RGS7: variants seen among roughly 807,000 people sequenced by gnomAD.
RGS7 encodes regulator of G protein signaling 7.
RGS7 carries 27 observed loss-of-function variants against 81.1 expected under a neutral mutation model. The observed-to-expected ratio is 0.33, with a 90% CI of 0.25 to 0.46. The LOEUF is 0.46. RGS7 is among the 20% of genes least tolerant of loss of function. The pLI, the probability that RGS7 is intolerant of heterozygous loss-of-function variation, is 1.00. For synonymous variants in RGS7, 208 were observed against 207.7 expected, an observed-to-expected ratio of 1.00 and a Z score of -0.01; for missense variants, 396 against 607.4, an observed-to-expected ratio of 0.65 and a Z score of 3.66.
chr1:241,096,990 T>C (rs1476195968), intron 3 of RGS7, among the ~76,000 whole-genome samples: 1 of 152,050 alleles, frequency 6.6e-6, no homozygotes, highest in African/African-American at 2.4e-5. Flanking sequence ...AGTAACATTT[T>C]TATATGCGTG....
At chr1:241,027,036 TA>T (rs35885080) in intron 3 of RGS7, among the ~76,000 whole-genome samples, 3,199 of 137,452 alleles carry the variant, frequency 0.023, 72 homozygotes, top group African/African-American at 0.063. Context: ...TACCAGAAAT[TA>T]AAAAAAAAAA....
intron 6 of RGS7, among the ~76,000 whole-genome samples, chr1:240,901,474 A>T (rs1403914683): frequency 6.6e-6 from 1 of 152,194 alleles, no homozygotes; most frequent in Non-Finnish European, 1.5e-5. Flanking sequence ...TATTTACAGC[A>T]ATGCAAGAAT....
At chr1:240,882,296 C>T (rs261838) in intron 6 of RGS7, among the ~76,000 whole-genome samples, 2,915 of 152,188 alleles carry the variant, frequency 0.019, 87 homozygotes, top group African/African-American at 0.067. Flanking sequence ...GGAATAATGG[C>T]CAGGAACTAT....
chr1:241,322,507 A>C (rs2081271173), intron 2 of RGS7, among the ~76,000 whole-genome samples: 1 of 152,226 alleles, frequency 6.6e-6, no homozygotes, highest in Non-Finnish European at 1.5e-5. Context: ...TCATATAAAG[A>C]AAGAGTATTA....
chr1:241,041,437 G>A (rs979820247), intron 3 of RGS7, among the ~76,000 whole-genome samples: 2 of 152,072 alleles, frequency 1.3e-5, no homozygotes, highest in Admixed American at 6.6e-5. Context: ...TTATGGCCCT[G>A]GGCAGGAGTA....
chr1:240,775,026 T>C (rs1682767943), downstream of RGS7, among the ~76,000 whole-genome samples: 1 of 152,194 alleles, frequency 6.6e-6, no homozygotes, highest in African/African-American at 2.4e-5. Flanking sequence ...GATTTTGGTA[T>C]CTGAGGAGGT....
intron 2 of RGS7, among the ~76,000 whole-genome samples, chr1:241,165,014 G>A (rs887111583): frequency 2.0e-5 from 3 of 152,122 alleles, no homozygotes; most frequent in African/African-American, 7.2e-5. Flanking sequence ...TCCTGTGTAA[G>A]GGCTCACTCC....
chr1:241,182,825 T>TTTTGTTTGTTTGTTTG (rs71172686), intron 2 of RGS7, among the ~76,000 whole-genome samples: 1 of 149,882 alleles, frequency 6.7e-6, no homozygotes, highest in African/African-American at 2.4e-5. Flanking sequence ...ATTTTTCGGT[T>TTTTGTTTGTTTGTTTG]TTTGTTTGTT....
rs112029424 is a variant in RGS7 at position 241,239,753 on chromosome 1, T to C, written c.78+115946A>G. On this transcript the variant is annotated intron_variant, in intron 2 of 18. Coordinates refer to ENST00000440928, the MANE Select transcript of RGS7 (RefSeq NM_001364886.1). ...CAGAAATGCAAATGATCAGGCTTCA[T>C]CTCAGATCTCCTGAGTCAGAAATTC... Among the ~76,000 whole-genome samples, 631 of 152,290 alleles carry C rather than the reference T, an allele frequency of 4.1e-3. 6 individuals are homozygous for C. Among genetic ancestry groups the C allele is most frequent in the African/African-American group, 0.015 (607 of 41,558 alleles).
chr1:241,170,014 T>C (rs1194471471), intron 2 of RGS7, among the ~76,000 whole-genome samples: 4 of 152,052 alleles, frequency 2.6e-5, no homozygotes, highest in Admixed American at 2.6e-4. Flanking sequence ...TCACAATGAC[T>C]CTGGGATAGC....
At chr1:241,088,862 T>G (rs1351528424) in intron 3 of RGS7, among the ~76,000 whole-genome samples, 1 of 150,792 alleles carries the variant, frequency 6.6e-6, no homozygotes, top group African/African-American at 2.4e-5. Flanking sequence ...ATACAAAAAA[T>G]TAGCCGGGCG....
At chr1:241,125,892 A>C (rs1161041987) in intron 2 of RGS7, among the ~76,000 whole-genome samples, 2 of 152,112 alleles carry the variant, frequency 1.3e-5, no homozygotes, top group Non-Finnish European at 2.9e-5. Context: ...TAATCCTTGC[A>C]GCTTCCCCCA....
chr1:241,312,601 C>A (rs745445387), intron 2 of RGS7, among the ~76,000 whole-genome samples: 9 of 152,100 alleles, frequency 5.9e-5, no homozygotes, highest in Non-Finnish European at 7.4e-5. Context: ...AAATGGTGAA[C>A]TTCATCCATG....
intron 3 of RGS7, among the ~76,000 whole-genome samples, chr1:241,030,493 T>TAC (rs10649050): frequency 0.043 from 6,109 of 140,490 alleles, 297 homozygotes; most frequent in African/African-American, 0.12. Context: ...TATATAGATG[T>TAC]ACACACACAC....
intron 2 of RGS7, among the ~76,000 whole-genome samples, chr1:241,337,720 T>C (rs1284761950): frequency 6.6e-6 from 1 of 152,168 alleles, no homozygotes; most frequent in African/African-American, 2.4e-5. Flanking sequence ...CTGTCACTGC[T>C]CCTCCACCTG....
chr1:241,156,832 G>A (rs930791412), intron 2 of RGS7, among the ~76,000 whole-genome samples: 2 of 152,166 alleles, frequency 1.3e-5, no homozygotes, highest in Non-Finnish European at 2.9e-5. Context: ...CATTCTGATT[G>A]TGGAGTTCCC....
intron 6 of RGS7, among the ~76,000 whole-genome samples, chr1:240,906,398 TAG>T (rs890456056): frequency 3.3e-5 from 5 of 152,192 alleles, no homozygotes; most frequent in African/African-American, 1.2e-4. Context: ...CACTGAACTC[TAG>T]AGTGTTTCAT....
intron 2 of RGS7, among the ~76,000 whole-genome samples, chr1:241,329,498 T>C (rs1248740963): frequency 6.6e-6 from 1 of 152,152 alleles, no homozygotes; most frequent in Non-Finnish European, 1.5e-5. Flanking sequence ...TTGATGGTAA[T>C]AAAACCTGTC....
intron 2 of RGS7, among the ~76,000 whole-genome samples, chr1:241,301,973 G>A (rs923671889): frequency 5.9e-5 from 9 of 152,234 alleles, no homozygotes; most frequent in Admixed American, 5.9e-4. Flanking sequence ...TGTCAAATAT[G>A]TTAGAAAATC....
Sources: gnomAD v4.1 joint callset for allele counts (sites outside exome capture counted in the v4.1 genomes callset) on GRCh38, gnomAD v4.1.1 for gene constraint, MANE v1.5 for transcripts, NCBI Gene and HGNC (gene_info 2026-07-23, HGNC 2026-07-21) for gene names.